Variants in NPFFR2 observed in about 807,000 individuals in gnomAD.
NPFFR2 encodes neuropeptide FF receptor 2.
Under a neutral mutation model 13.1 loss-of-function variants are expected in NPFFR2, and 15 were observed. The observed-to-expected ratio is 1.15, with a 90% CI of 0.77 to 1.76. NPFFR2 has a LOEUF of 1.76. Among genes scored for constraint, NPFFR2 ranks in the 40% most tolerant of loss-of-function variants. The pLI, the probability that NPFFR2 is intolerant of heterozygous loss-of-function variation, is 0.00. For synonymous variants in NPFFR2, 190 were observed against 175.7 expected, an observed-to-expected ratio of 1.08 and a Z score of -0.65; for missense variants, 572 against 503.5, an observed-to-expected ratio of 1.14 and a Z score of -1.30.
At chr4:72,075,976 TACAC>T (rs1025719017) in intron 1 of NPFFR2, among the ~76,000 whole-genome samples, 148 of 83,168 alleles carry the variant, frequency 1.8e-3, no homozygotes, top group Middle Eastern at 0.011. Flanking sequence ...CACACACACA[TACAC>T]ACACACACAC....
intron 1 of NPFFR2, among the ~76,000 whole-genome samples, chr4:72,092,854 T>G (rs1432932451): frequency 1.3e-5 from 2 of 152,192 alleles, no homozygotes; most frequent in Non-Finnish European, 2.9e-5. Context: ...AGTATTGAAA[T>G]GTGAGACTCT....
intron 1 of NPFFR2, among the ~76,000 whole-genome samples, chr4:72,040,853 GTCA>G (rs1553887430): frequency 2.0e-5 from 3 of 150,530 alleles, no homozygotes; most frequent in Non-Finnish European, 3.0e-5. Flanking sequence ...TATTTTTTAT[GTCA>G]TCATTTTATA....
intron 1 of NPFFR2, among the ~76,000 whole-genome samples, chr4:72,072,763 G>A (rs1465224430): frequency 6.6e-6 from 1 of 152,050 alleles, no homozygotes; most frequent in Non-Finnish European, 1.5e-5. Context: ...CTCAAAGTGA[G>A]ATACATTATG....
intron 1 of NPFFR2, among the ~76,000 whole-genome samples, chr4:72,091,669 C>T (rs909030171): frequency 2.0e-5 from 3 of 151,924 alleles, no homozygotes; most frequent in Admixed American, 6.6e-5. Flanking sequence ...TCTGTAGTGT[C>T]GGTTGTAATA....
At chr4:72,113,461 A>G (rs1721622466) in intron 1 of NPFFR2, among the ~76,000 whole-genome samples, 1 of 151,982 alleles carries the variant, frequency 6.6e-6, no homozygotes, top group African/African-American at 2.4e-5. Context: ...TCCACATTCC[A>G]TTGCATCAAA....
chr4:72,042,011 T>G (rs1719235071), intron 1 of NPFFR2, among the ~76,000 whole-genome samples: 1 of 152,200 alleles, frequency 6.6e-6, no homozygotes, highest in African/African-American at 2.4e-5. Context: ...CTTGTCAATT[T>G]TTGTTTTTGT....
intron 1 of NPFFR2, among the ~76,000 whole-genome samples, chr4:72,073,393 A>G (rs1465183795): frequency 3.9e-5 from 6 of 152,032 alleles, no homozygotes; most frequent in Non-Finnish European, 8.8e-5. Flanking sequence ...AAAGCTTACC[A>G]CTAGAACTGC....
intron 1 of NPFFR2, among the ~76,000 whole-genome samples, chr4:72,047,882 G>A (rs967610446): frequency 6.6e-6 from 1 of 152,030 alleles, no homozygotes; most frequent in Admixed American, 6.6e-5. Context: ...CAAACATATA[G>A]ACATCAAAAT....
At chr4:72,117,020 A>C (rs1721733073) in intron 1 of NPFFR2, among the ~76,000 whole-genome samples, 1 of 152,136 alleles carries the variant, frequency 6.6e-6, no homozygotes, top group South Asian at 2.1e-4. Flanking sequence ...TACACAACAG[A>C]ACTGGCAAGA....
At chr4:72,086,733 A>G (rs28715844) in intron 1 of NPFFR2, among the ~76,000 whole-genome samples, 3,964 of 152,186 alleles carry the variant, frequency 0.026, 141 homozygotes, top group African/African-American at 0.079. Flanking sequence ...TCCTTCAATA[A>G]TGGATCCCCT....
At chr4:72,105,286 G>A (rs891802911) in intron 1 of NPFFR2, among the ~76,000 whole-genome samples, 6 of 151,780 alleles carry the variant, frequency 4.0e-5, no homozygotes, top group African/African-American at 1.2e-4. Context: ...TTTATATGGT[G>A]CCAGAAAGAA....
At chr4:72,078,560 C>T (rs1469456754) in intron 1 of NPFFR2, among the ~76,000 whole-genome samples, 3 of 152,038 alleles carry the variant, frequency 2.0e-5, no homozygotes, top group Non-Finnish European at 4.4e-5. Context: ...GCAAGTTCCT[C>T]CTAAACTTTA....
In NPFFR2 at chr4:72,128,822, C is replaced by A. The variant is rs756659620; in HGVS notation, c.231C>A (p.His77Gln). 1 of 1,614,004 alleles carries A rather than the reference C, an allele frequency of 6.2e-7. No individual in the cohort carries two copies. Among genetic ancestry groups the A allele is most frequent in the South Asian group, 1.1e-5 (1 of 91,074 alleles). The change falls in exon 2 of 4, where the codon CAC becomes CAA. Residue 77 changes from histidine to glutamine, a missense_variant. Physicochemically the swap from His to Gln is conservative, Grantham distance 24. Coordinates refer to ENST00000308744, the MANE Select transcript of NPFFR2 (RefSeq NM_004885.3). Reference sequence around the variant, plus strand: ...TTGTAATGAGGAACAAACATATGCACACAGTCACTAATCTCTTCATCTTAA... The same window carrying A: ...TTGTAATGAGGAACAAACATATGCAAACAGTCACTAATCTCTTCATCTTAA... ...CFIVMRNKHM[H>Q]TVTNLFILNL...
At chr4:72,085,587 G>T (rs1030309860) in intron 1 of NPFFR2, among the ~76,000 whole-genome samples, 11 of 152,096 alleles carry the variant, frequency 7.2e-5, no homozygotes, top group African/African-American at 2.4e-4. Context: ...TAGGCAAATG[G>T]TATTCTACCA....
At chr4:72,117,581 G>A (rs1159775760) in intron 1 of NPFFR2, among the ~76,000 whole-genome samples, 2 of 150,230 alleles carry the variant, frequency 1.3e-5, no homozygotes, top group African/African-American at 2.5e-5. Flanking sequence ...CACGAAAGCT[G>A]CGACATGGTC....
intron 1 of NPFFR2, among the ~76,000 whole-genome samples, chr4:72,102,260 G>C (rs1721272525): frequency 6.6e-6 from 1 of 151,964 alleles, no homozygotes; most frequent in Non-Finnish European, 1.5e-5. Context: ...TAAAGAGCTT[G>C]GACTTTGTGT....
intron 1 of NPFFR2, among the ~76,000 whole-genome samples, chr4:72,112,364 C>T (rs1358567005): frequency 6.6e-6 from 1 of 151,960 alleles, no homozygotes; most frequent in Admixed American, 6.6e-5. Context: ...TATAAACCAT[C>T]TAAAGAGCTC....
At chr4:72,112,694 T>C (rs1721600623) in intron 1 of NPFFR2, among the ~76,000 whole-genome samples, 1 of 152,024 alleles carries the variant, frequency 6.6e-6, no homozygotes, top group African/African-American at 2.4e-5. Context: ...GTGAGTCATA[T>C]GTCTCATATG....
intron 1 of NPFFR2, among the ~76,000 whole-genome samples, chr4:72,074,006 ATGGGTTTC>A (rs1720346194): frequency 1.6e-4 from 1 of 6,408 alleles, no homozygotes; most frequent in South Asian, 4.9e-3. Flanking sequence ...TTCACTTTCC[ATGGGTTTC>A]ACTTTCCAGG....
Sources: allele counts gnomAD v4.1 joint callset (sites outside exome capture counted in the v4.1 genomes callset), GRCh38; gene constraint gnomAD v4.1.1; transcripts MANE v1.5; gene names NCBI Gene and HGNC (gene_info 2026-07-23, HGNC 2026-07-21).